APBB1IP: variants seen among roughly 807,000 people sequenced by gnomAD.
The protein encoded by APBB1IP is amyloid beta A4 precursor protein-binding family B member 1-interacting protein.
A neutral mutation model predicts 64.9 loss-of-function variants in APBB1IP; 27 were observed. The observed-to-expected ratio is 0.42, with a 90% confidence interval of 0.31 to 0.57. APBB1IP has a LOEUF of 0.57. APBB1IP is among the 20% of genes least tolerant of loss of function. The probability of loss-of-function intolerance (pLI) is 0.20; values close to 1 mark genes in which losing one functional copy is unlikely to be tolerated. For missense variants in APBB1IP, 812 were observed against 845.5 expected, an observed-to-expected ratio of 0.96 and a Z score of 0.49; for synonymous variants, 392 against 331.0, an observed-to-expected ratio of 1.18 and a Z score of -2.00.
chr10:26,475,172 G>T (rs1588576151), intron 2 of APBB1IP, among the ~76,000 whole-genome samples: 2 of 150,966 alleles, frequency 1.3e-5, no homozygotes, highest in Non-Finnish European at 2.9e-5. Context: ...GTCCAGGCTG[G>T]AGTGCAGTGG....
At chr10:26,519,048 G>T (rs1481934533) in intron 8 of APBB1IP, among the ~76,000 whole-genome samples, 2 of 151,392 alleles carry the variant, frequency 1.3e-5, no homozygotes, top group African/African-American at 2.4e-5. Context: ...GCTGAGGCGG[G>T]TGGATCACCT....
At chr10:26,545,709 G>A (rs1213783484) in intron 11 of APBB1IP, among the ~76,000 whole-genome samples, 2 of 150,672 alleles carry the variant, frequency 1.3e-5, no homozygotes, top group Non-Finnish European at 3.0e-5. Context: ...GCAGTGAGCC[G>A]AGATCGCGCC....
intron 8 of APBB1IP, among the ~76,000 whole-genome samples, chr10:26,519,373 G>A (rs1270592278): frequency 6.6e-6 from 1 of 152,178 alleles, no homozygotes; most frequent in African/African-American, 2.4e-5. Flanking sequence ...TGCTTCTGGG[G>A]AGGCCTCAGG....
At chr10:26,451,194 T>C (rs1258387087) in intron 2 of APBB1IP, among the ~76,000 whole-genome samples, 1 of 152,080 alleles carries the variant, frequency 6.6e-6, no homozygotes. Context: ...GAAATTAAGG[T>C]GACATGGAAG....
chr10:26,445,124 AAAG>A (rs1371393032), intron 2 of APBB1IP, among the ~76,000 whole-genome samples: 1 of 65,936 alleles, frequency 1.5e-5, no homozygotes, highest in East Asian at 4.2e-4. Flanking sequence ...AGAAAGAAAG[AAAG>A]AAAAGAAAGA....
In APBB1IP at chr10:26,474,017, A is replaced by T. The variant is rs1835748781; in HGVS notation, c.1-18310A>T. ...CCTGTCTCAAAAAAAAAAAAAAAAAAAAAAAGTATGTTCTTGAATAGAAGA... is the reference window on the plus strand; with the variant it reads ...CCTGTCTCAAAAAAAAAAAAAAAAATAAAAAGTATGTTCTTGAATAGAAGA... On this transcript the variant is annotated intron_variant, in intron 2 of 14. Coordinates refer to ENST00000376236, the MANE Select transcript of APBB1IP (RefSeq NM_019043.4). 3.3e-5 allele frequency among the ~76,000 whole-genome samples: 5 copies of T among 151,992 alleles called. No homozygotes were observed. In the South Asian group the frequency reaches 1.0e-3, roughly 32 times the overall value.
At chr10:26,562,051 T>G (rs1161101416) in intron 13 of APBB1IP, 1 of 308,148 alleles carries the variant, frequency 3.2e-6, no homozygotes, top group Non-Finnish European at 6.2e-6. Flanking sequence ...CAGTGGGCTT[T>G]ATCAAATACC....
intron 2 of APBB1IP, among the ~76,000 whole-genome samples, chr10:26,449,200 C>A (rs552847517): frequency 1.3e-5 from 2 of 152,114 alleles, no homozygotes; most frequent in Non-Finnish European, 2.9e-5. Context: ...CGTGCCTGAC[C>A]TACAAAGAAA....
chr10:26,551,873 T>C (rs1301953647), intron 11 of APBB1IP, among the ~76,000 whole-genome samples: 1 of 152,214 alleles, frequency 6.6e-6, no homozygotes, highest in African/African-American at 2.4e-5. Context: ...AAATGCTCAA[T>C]ACATATCAGA....
At chr10:26,518,863 T>C (rs1297461144) in intron 8 of APBB1IP, among the ~76,000 whole-genome samples, 1 of 152,192 alleles carries the variant, frequency 6.6e-6, no homozygotes, top group Non-Finnish European at 1.5e-5. Flanking sequence ...TCTTGACCTC[T>C]TGCGTCCTAA....
rs777753167 is a variant in APBB1IP at position 26,536,263 on chromosome 10, G to A, written c.1044+46G>A. Reference sequence around the variant, plus strand: ...AGCACTTAGCAATAAAGCATTTCATGAGAATGAAACTAAAGAAATCCTTAG... The same window carrying A: ...AGCACTTAGCAATAAAGCATTTCATAAGAATGAAACTAAAGAAATCCTTAG... On this transcript the variant is annotated intron_variant, in intron 10 of 14. Transcript: ENST00000376236. The A allele has an allele frequency of 4.6e-6, 7 of 1,525,960 alleles. No individual in the cohort carries two copies. The African/African-American group carries it at 9.9e-5, about 22-fold the overall frequency. The allele number at this position is 1,525,960 out of a possible 1,614,324, so 94.5% of individuals were successfully genotyped here. A position where few individuals can be genotyped will look rare whatever the true frequency, so the allele number is the denominator to read the frequency against.
chr10:26,565,276 G>A (rs533509979), intron 14 of APBB1IP, among the ~76,000 whole-genome samples: 16 of 152,246 alleles, frequency 1.1e-4, no homozygotes, highest in African/African-American at 1.7e-4. Flanking sequence ...TTTTACAGAC[G>A]CTTACTCCTG....
rs527634312 is a variant in APBB1IP, at chr10:26,524,575, A to C, written c.814-8864A>C. Among the ~76,000 whole-genome samples, 3 of 152,356 alleles carry C rather than the reference A, an allele frequency of 2.0e-5. No individual in the cohort carries two copies. In the South Asian group the frequency reaches 6.2e-4, roughly 32 times the overall value. ...TTTCAGGGAGACAGGAATTGCAGGT[A>C]AAATCATAAATCAATATGTGGAAGG... On this transcript the variant is annotated intron_variant, in intron 8 of 14. Coordinates refer to ENST00000376236, the MANE Select transcript of APBB1IP (RefSeq NM_019043.4).
At position 26,510,754 on chromosome 10, in the gene APBB1IP, A is replaced by G. The variant is rs952091667; in HGVS notation, c.532-993A>G. On this transcript the variant is annotated intron_variant, in intron 6 of 14. Transcript: ENST00000376236. ...CTGTCTCACACACACACACACACAC[A>G]CACACACACACACACACACACAAAT... is the stretch of plus-strand genomic sequence containing the variant. Among the ~76,000 whole-genome samples, 5 of 151,764 alleles carry G rather than the reference A, an allele frequency of 3.3e-5. No homozygotes were observed. The South Asian group carries it at 8.3e-4, about 25-fold the overall frequency.
chr10:26,494,080 C>T (rs917300684), intron 3 of APBB1IP, among the ~76,000 whole-genome samples: 2 of 152,144 alleles, frequency 1.3e-5, no homozygotes, highest in East Asian at 3.8e-4. Flanking sequence ...AGACTTTTTA[C>T]CAACCCTTGA....
Position 26,567,535 on chromosome 10 carries a change from G to C in APBB1IP, c.*47G>C, listed in dbSNP as rs998242331. 1.3e-6 allele frequency: 2 copies of C among 1,517,816 alleles called. No homozygotes were observed. Among genetic ancestry groups the C allele is most frequent in the Admixed American group, 1.8e-5 (1 of 56,586 alleles). The allele number at this position is 1,517,816 out of a possible 1,614,324, so 94.0% of individuals were successfully genotyped here. On this transcript the variant is annotated 3_prime_UTR_variant, in exon 15 of 15. Coordinates refer to ENST00000376236, the MANE Select transcript of APBB1IP (RefSeq NM_019043.4). Reference sequence around the variant, plus strand: ...CAGAGGGAGAAGCATCGCTGACCCCGAGCGCAGGTTTTGCTAGCAGATTGC... The same window carrying C: ...CAGAGGGAGAAGCATCGCTGACCCCCAGCGCAGGTTTTGCTAGCAGATTGC...
At chr10:26,524,274 G>A (rs1297049663) in intron 8 of APBB1IP, among the ~76,000 whole-genome samples, 4 of 151,994 alleles carry the variant, frequency 2.6e-5, no homozygotes, top group Non-Finnish European at 5.9e-5. Flanking sequence ...CCCATACCCG[G>A]GGGGTAAAGA....
chr10:26,491,071 G>A (rs1441111976), intron 2 of APBB1IP, among the ~76,000 whole-genome samples: 1 of 152,082 alleles, frequency 6.6e-6, no homozygotes, highest in Non-Finnish European at 1.5e-5. Context: ...CTGAGGTCAG[G>A]AGTTTGAGAC....
At chr10:26,523,010 C>CAAAAAAAAAAAAAA (rs35641109) in intron 8 of APBB1IP, among the ~76,000 whole-genome samples, 1 of 64,764 alleles carries the variant, frequency 1.5e-5, no homozygotes, top group Non-Finnish European at 3.1e-5. Flanking sequence ...ACTCCATCTC[C>CAAAAAAAAAAAAAA]AAAAAAAAAA....
Sources: allele counts gnomAD v4.1 joint callset (sites outside exome capture counted in the v4.1 genomes callset), GRCh38; gene constraint gnomAD v4.1.1; transcripts MANE v1.5; gene names NCBI Gene and HGNC (gene_info 2026-07-23, HGNC 2026-07-21).